The following CDC42BPB variants were observed in gnomAD, a reference collection of about 807,000 sequenced individuals.
CDC42BPB encodes CDC42 binding protein kinase beta.
CDC42BPB carries 37 observed loss-of-function variants against 214.9 expected under a neutral mutation model. That is an observed-to-expected ratio of 0.17 (90% CI 0.13 to 0.23). CDC42BPB has a LOEUF of 0.23. CDC42BPB is among the 10% of genes least tolerant of loss of function. The pLI is 1.00. For synonymous variants in CDC42BPB, 931 were observed against 884.0 expected, an observed-to-expected ratio of 1.05 and a Z score of -0.94; for missense variants, 1,694 against 2,227.0, an observed-to-expected ratio of 0.76 and a Z score of 4.82.
At chr14:102,937,836 G>A (rs973857507) in intron 36 of CDC42BPB, among the ~76,000 whole-genome samples, 2 of 152,234 alleles carry the variant, frequency 1.3e-5, no homozygotes, top group East Asian at 1.9e-4. Context: ...GCAGGTTGGC[G>A]GGAAAGCTTC....
intron 36 of CDC42BPB, among the ~76,000 whole-genome samples, chr14:102,934,515 C>T (rs1891549609): frequency 6.6e-6 from 1 of 151,904 alleles, no homozygotes; most frequent in Non-Finnish European, 1.5e-5. Context: ...GCCTGGGCGA[C>T]AGAGCGAGAC....
intron 20 of CDC42BPB, 127 bp downstream of exon 20, chr14:102,962,918 TGAAAATGCTGATTTTG>T (rs1327142113): frequency 1.8e-6 from 1 of 547,734 alleles, no homozygotes; most frequent in East Asian, 3.0e-5. Flanking sequence ...AGATGTTGTT[TGAAAATGCTGATTTTG>T]GAAAATACTG....
At chr14:102,946,325 G>C in intron 28 of CDC42BPB, 143 bp downstream of exon 28, 1 of 920,048 alleles carries the variant, frequency 1.1e-6, no homozygotes. Flanking sequence ...ACCCGGCCTC[G>C]TCTGCTTCTT....
At chr14:103,019,440 C>G (rs1191014191) in intron 1 of CDC42BPB, among the ~76,000 whole-genome samples, 8 of 152,204 alleles carry the variant, frequency 5.3e-5, no homozygotes, top group African/African-American at 1.9e-4. Flanking sequence ...GAGCCCGTAG[C>G]CCTCACCCAG....
chr14:102,984,737 C>A (rs368607024), intron 6 of CDC42BPB, among the ~76,000 whole-genome samples: 1 of 152,084 alleles, frequency 6.6e-6, no homozygotes, highest in Admixed American at 6.5e-5. Flanking sequence ...CTGGAGACAA[C>A]AACCACAGGC....
At chr14:102,978,353 G>C in intron 8 of CDC42BPB, 148 bp from the exon 9 acceptor site, 1 of 1,479,486 alleles carries the variant, frequency 6.8e-7, no homozygotes, top group Non-Finnish European at 9.0e-7. Context: ...CCTCTGCAGG[G>C]GAGATGAGTA....
chr14:102,940,481 G>A, intron 30 of CDC42BPB, 157 bp from the exon 31 acceptor site: 2 of 1,453,594 alleles, frequency 1.4e-6, no homozygotes, highest in Admixed American at 2.7e-5. Flanking sequence ...TCCCACTCTG[G>A]AATTCATCTT....
intron 1 of CDC42BPB, among the ~76,000 whole-genome samples, chr14:103,050,646 A>C (rs1404302257): frequency 6.6e-6 from 1 of 152,106 alleles, no homozygotes; most frequent in African/African-American, 2.4e-5. Context: ...TGTCCCAGCT[A>C]TTCAGGAGGC....
chr14:102,945,795 G>T, intron 28 of CDC42BPB, 71 bp from the exon 29 acceptor site: 3 of 1,339,968 alleles, frequency 2.2e-6, no homozygotes, highest in Non-Finnish European at 3.2e-6. Flanking sequence ...TGAATGCGTG[G>T]GTGGGCTCAT....
intron 9 of CDC42BPB, among the ~76,000 whole-genome samples, chr14:102,977,899 G>A (rs35629923): frequency 9.7e-4 from 148 of 152,260 alleles, no homozygotes; most frequent in African/African-American, 3.2e-3. Flanking sequence ...AATTCTTTAC[G>A]ACCTGGATAT....
At chr14:102,937,717 G>A (rs1470397116) in intron 36 of CDC42BPB, among the ~76,000 whole-genome samples, 4 of 152,272 alleles carry the variant, frequency 2.6e-5, no homozygotes, top group Admixed American at 6.5e-5. Flanking sequence ...GCCATCCCAA[G>A]GGAGGGGCAG....
intron 23 of CDC42BPB, among the ~76,000 whole-genome samples, chr14:102,953,097 G>A (rs879346634): frequency 2.6e-5 from 4 of 152,262 alleles, no homozygotes; most frequent in Admixed American, 2.6e-4. Context: ...GACACATTGT[G>A]AACCCAGCGG....
In CDC42BPB at chr14:102,975,819, A is replaced by T. The variant is rs1487400736; in HGVS notation, c.1388-16T>A. On this transcript the variant is annotated splice_polypyrimidine_tract_variant and intron_variant, in intron 10 of 36. Coordinates refer to ENST00000361246, the MANE Select transcript of CDC42BPB (RefSeq NM_006035.4). ...TGGGTGGACTCTGAGGGATGGAGAG[A>T]CAGCGTGAGGTGCAGCCTGGCCGCA... The T allele has an allele frequency of 1.9e-6, 3 of 1,614,112 alleles. No homozygotes were observed. In the South Asian group the frequency reaches 3.3e-5, roughly 18 times the overall value.
At chr14:102,954,172 GC>G in intron 23 of CDC42BPB, 25 bp downstream of exon 23, 1 of 1,460,964 alleles carries the variant, frequency 6.8e-7, no homozygotes, top group Non-Finnish European at 9.4e-7. Context: ...CTAAGAAGGC[GC>G]CCCGGGTGAA....
chr14:103,040,647 A>C (rs1202086105), intron 1 of CDC42BPB, among the ~76,000 whole-genome samples: 1 of 151,972 alleles, frequency 6.6e-6, no homozygotes, highest in South Asian at 2.1e-4. Context: ...TTGTAGAGAC[A>C]GGGTTTCACC....
At chr14:102,993,763 G>A (rs1894602954) in intron 5 of CDC42BPB, among the ~76,000 whole-genome samples, 1 of 152,160 alleles carries the variant, frequency 6.6e-6, no homozygotes. Flanking sequence ...TTGAAGCAAT[G>A]CATACAGGAC....
chr14:102,990,045 G>A (rs1894421743), intron 5 of CDC42BPB, among the ~76,000 whole-genome samples: 1 of 152,162 alleles, frequency 6.6e-6, no homozygotes. Context: ...GCCAGCGGAG[G>A]TGGGCAGGAT....
chr14:102,949,458 T>C (rs1400589415), intron 26 of CDC42BPB, among the ~76,000 whole-genome samples: 1 of 152,022 alleles, frequency 6.6e-6, no homozygotes, highest in Non-Finnish European at 1.5e-5. Flanking sequence ...CTGCTTGTTC[T>C]TGGGCATGTG....
chr14:102,950,077 G>GGCA, intron 25 of CDC42BPB, 173 bp from the exon 26 acceptor site: 1 of 985,480 alleles, frequency 1.0e-6, no homozygotes, highest in Non-Finnish European at 1.2e-6. Flanking sequence ...GTCCATGCGT[G>GGCA]GCAGCAGACG....
Sources: gnomAD v4.1 joint callset for allele counts (sites outside exome capture counted in the v4.1 genomes callset) on GRCh38, gnomAD v4.1.1 for gene constraint, MANE v1.5 for transcripts, NCBI Gene and HGNC (gene_info 2026-07-23, HGNC 2026-07-21) for gene names.